The following CNTN1 variants were observed in gnomAD, a reference collection of about 807,000 sequenced individuals.
CNTN1 encodes contactin-1.
Under a neutral mutation model 126.4 loss-of-function variants are expected in CNTN1, and 38 were observed. The ratio of observed to expected loss-of-function variants is 0.30; its 90% CI spans 0.23 to 0.39. The LOEUF (loss-of-function observed/expected upper bound fraction) is 0.39, where lower values mean the gene tolerates loss of function less well. CNTN1 is among the 10% of genes least tolerant of loss of function. The probability of loss-of-function intolerance (pLI) is 1.00; values close to 1 mark genes in which losing one functional copy is unlikely to be tolerated. For synonymous variants in CNTN1, 413 were observed against 422.6 expected, an observed-to-expected ratio of 0.98 and a Z score of 0.28; for missense variants, 1,009 against 1,248.4, an observed-to-expected ratio of 0.81 and a Z score of 2.89.
chr12:40,735,634 A>G (rs12825889), intron 1 of CNTN1, among the ~76,000 whole-genome samples: 1 of 152,090 alleles, frequency 6.6e-6, no homozygotes, highest in African/African-American at 2.4e-5. Context: ...AAAAATGTAA[A>G]CCATGTTTTT....
In CNTN1 at chr12:41,050,143, G is replaced by A. The variant is rs112120436; in HGVS notation, c.2981-19816G>A. Among the ~76,000 whole-genome samples, 1,380 of 152,086 alleles carry A rather than the reference G, an allele frequency of 9.1e-3. 23 individuals are homozygous for A. The highest frequency in any genetic ancestry group is 0.031 in the African/African-American group (1,275 of 41,488). ...TTGAACTCCTGACCTCAGGTGATCCGCCTGCCTCGGCCTCCCAAAGTGCTG... is the reference window on the plus strand; with the variant it reads ...TTGAACTCCTGACCTCAGGTGATCCACCTGCCTCGGCCTCCCAAAGTGCTG... On this transcript the variant is annotated intron_variant, in intron 23 of 23. Coordinates refer to ENST00000551295, the MANE Select transcript of CNTN1 (RefSeq NM_001843.4).
At chr12:40,838,144 G>C (rs1158171256) in intron 1 of CNTN1, among the ~76,000 whole-genome samples, 1 of 152,204 alleles carries the variant, frequency 6.6e-6, no homozygotes, top group African/African-American at 2.4e-5. Flanking sequence ...CACGTAGCCT[G>C]TGGCCTTGGG....
intron 1 of CNTN1, among the ~76,000 whole-genome samples, chr12:40,841,687 T>TA (rs34386317): frequency 0.59 from 89,802 of 151,794 alleles, 26,748 homozygotes; most frequent in East Asian, 0.77. Flanking sequence ...CATATGATAT[T>TA]CCAATAGATG....
intron 15 of CNTN1, among the ~76,000 whole-genome samples, chr12:40,975,779 G>A (rs1222325054): frequency 6.6e-6 from 1 of 152,008 alleles, no homozygotes; most frequent in Non-Finnish European, 1.5e-5. Flanking sequence ...TTTTGAATGG[G>A]AAAATAAGAA....
At chr12:40,848,825 G>GTTTTTTT (rs11318215) in intron 1 of CNTN1, among the ~76,000 whole-genome samples, 1 of 135,868 alleles carries the variant, frequency 7.4e-6, no homozygotes. Context: ...CACCAGGTGT[G>GTTTTTTT]TTTTTTTTTT....
chr12:40,760,187 T>C (rs775102155), intron 1 of CNTN1, among the ~76,000 whole-genome samples: 5 of 152,162 alleles, frequency 3.3e-5, no homozygotes, highest in Non-Finnish European at 7.4e-5. Flanking sequence ...AGGAAATATG[T>C]TTTGTTTTGA....
intron 23 of CNTN1, among the ~76,000 whole-genome samples, chr12:41,049,802 C>T (rs1949630748): frequency 6.6e-6 from 1 of 152,192 alleles, no homozygotes; most frequent in Non-Finnish European, 1.5e-5. Flanking sequence ...CATTAACTCC[C>T]CAGCTCATGA....
chr12:40,864,517 A>G (rs1158217442), intron 1 of CNTN1, among the ~76,000 whole-genome samples: 4 of 152,098 alleles, frequency 2.6e-5, no homozygotes, highest in Non-Finnish European at 5.9e-5. Context: ...CCCCTGAGCA[A>G]TCACTAATCT....
intron 1 of CNTN1, among the ~76,000 whole-genome samples, chr12:40,894,823 T>C (rs1027954791): frequency 6.6e-6 from 1 of 152,100 alleles, no homozygotes; most frequent in Admixed American, 6.5e-5. Context: ...TACAACTGAG[T>C]GGGGAATTTG....
chr12:40,853,456 G>A (rs1006956929), intron 1 of CNTN1, among the ~76,000 whole-genome samples: 19 of 152,036 alleles, frequency 1.2e-4, no homozygotes, highest in African/African-American at 4.1e-4. Flanking sequence ...TCAACTGAAC[G>A]CTCAATCCAA....
intron 21 of CNTN1, among the ~76,000 whole-genome samples, chr12:41,026,002 C>T (rs903449907): frequency 5.9e-5 from 9 of 152,164 alleles, no homozygotes; most frequent in South Asian, 2.1e-4. Context: ...ATGAAATTCA[C>T]TTTGGGACAG....
chr12:40,714,560 G>T (rs1207409306), intron 1 of CNTN1, among the ~76,000 whole-genome samples: 7 of 152,070 alleles, frequency 4.6e-5, no homozygotes, highest in Admixed American at 1.3e-4. Flanking sequence ...TTTAAGAAGT[G>T]ACATGTTGAA....
intron 1 of CNTN1, among the ~76,000 whole-genome samples, chr12:40,826,680 T>C (rs186955893): frequency 3.0e-4 from 45 of 152,304 alleles, no homozygotes; most frequent in African/African-American, 1.0e-3. Flanking sequence ...CTGCTATTGA[T>C]TTGTTGATGA....
chr12:40,769,315 G>T (rs923739189), intron 1 of CNTN1, among the ~76,000 whole-genome samples: 2 of 152,050 alleles, frequency 1.3e-5, no homozygotes. Context: ...GGGAGGGGAA[G>T]AATAACATTG....
chr12:40,792,560 A>G (rs1363315552), intron 1 of CNTN1, among the ~76,000 whole-genome samples: 1 of 152,112 alleles, frequency 6.6e-6, no homozygotes, highest in Non-Finnish European at 1.5e-5. Context: ...CACTAAAATA[A>G]TAGATACAGA....
chr12:40,950,540 G>A, intron 14 of CNTN1, among the ~76,000 whole-genome samples: 1 of 152,088 alleles, frequency 6.6e-6, no homozygotes, highest in East Asian at 1.9e-4. Flanking sequence ...ACAGTCTTGT[G>A]ACACACAAAA....
chr12:40,810,413 C>T (rs912660254), intron 1 of CNTN1, among the ~76,000 whole-genome samples: 38 of 152,128 alleles, frequency 2.5e-4, no homozygotes, highest in African/African-American at 9.2e-4. Context: ...GATCTACTTT[C>T]TAAGAGAATT....
chr12:40,988,636 C>G (rs976454782), intron 16 of CNTN1, among the ~76,000 whole-genome samples: 1 of 152,084 alleles, frequency 6.6e-6, no homozygotes, highest in African/African-American at 2.4e-5. Context: ...TTATTCTAAG[C>G]CTTAGGGCCT....
At chr12:41,043,734 G>A (rs1480673156) in intron 23 of CNTN1, among the ~76,000 whole-genome samples, 3 of 151,740 alleles carry the variant, frequency 2.0e-5, no homozygotes, top group African/African-American at 7.3e-5. Flanking sequence ...CAATAGCAAA[G>A]ACTTGGAACC....
Sources: gnomAD v4.1 joint callset for allele counts (sites outside exome capture counted in the v4.1 genomes callset) on GRCh38, gnomAD v4.1.1 for gene constraint, MANE v1.5 for transcripts, NCBI Gene and HGNC (gene_info 2026-07-23, HGNC 2026-07-21) for gene names.